The following FASTKD3 variants were observed in gnomAD, a reference collection of about 807,000 sequenced individuals.
FASTKD3 encodes the protein FAST kinase domain-containing protein 3, mitochondrial.
Under a neutral mutation model 49.7 loss-of-function variants are expected in FASTKD3, and 47 were observed. The ratio of observed to expected loss-of-function variants is 0.95; its 90% confidence interval spans 0.75 to 1.21. The LOEUF is 1.21. FASTKD3 is among the 50% of genes most tolerant of loss of function. The pLI is 0.00. For synonymous variants in FASTKD3, 284 were observed against 288.6 expected (o/e 0.98, Z 0.16); for missense variants, 748 against 765.7 (o/e 0.98, Z 0.27).
rs1332096471 is a variant in FASTKD3, at chr5:7,867,985, A to T, written c.99T>A (p.Val33=). ...AALKNKPLNH[V]HKVVKERLCP... is the part of the protein sequence containing the mutation. ...ACAGACGCTCCTTGACTACCTTGTG[A>T]ACATGATTTAGAGGTTTATTTTTTA... Residue 33 remains valine (V), a synonymous_variant, in exon 2 of 7, where the codon GTT becomes GTA. Coordinates refer to ENST00000264669, the MANE Select transcript of FASTKD3 (RefSeq NM_024091.4). 1.2e-6 allele frequency: 2 copies of T among 1,614,166 alleles called. No individual in the cohort carries two copies. The highest frequency in any genetic ancestry group is 2.2e-5 in the East Asian group (1 of 44,884).
Position 7,868,200 on chromosome 5 carries a change from GAAA to G in FASTKD3, c.-113-7_-113-5del, listed in dbSNP as rs34274545. The G allele has an allele frequency of 0.14, 31,246 of 221,390 alleles. 1,289 individuals carry two copies. Among genetic ancestry groups the G allele is most frequent in the Non-Finnish European group, 0.18 (21,884 of 122,560 alleles). The allele number at this position is 221,390 out of a possible 1,614,324, so 13.7% of individuals were successfully genotyped here. On this transcript the variant is annotated splice_polypyrimidine_tract_variant and splice_region_variant and intron_variant, in intron 1 of 6. Coordinates refer to ENST00000264669, the MANE Select transcript of FASTKD3 (RefSeq NM_024091.4). ...TTATGAAACTACAAACGAGTATCTG[GAAA>G]AAAAAAAAAAAAAAAAAAAAGGATG...
intron 3 of FASTKD3, among the ~76,000 whole-genome samples, chr5:7,863,594 T>G (rs1361462008): frequency 6.6e-6 from 1 of 152,184 alleles, no homozygotes; most frequent in Non-Finnish European, 1.5e-5. Context: ...GTCCTGAGCA[T>G]TTTGGATAAG....
At position 7,861,166 on chromosome 5, in the gene FASTKD3, C is replaced by T. The variant is rs139537580; in HGVS notation, c.1867G>A (p.Gly623Ser). The change falls in exon 6 of 7, where the codon GGT (glycine) becomes AGT (serine). Residue 623 changes from glycine to serine, a missense_variant. Physicochemically the swap from Gly to Ser is moderately conservative, Grantham distance 56 (BLOSUM62 0). This residue lies in a region of FASTKD3 where 178 missense variants were observed against 182.2 expected (regional missense o/e 0.98). Transcript: ENST00000264669. ...AACCGTACCTGAACAACTTGATAAC[C>T]GAGTAACTGTAGGTGTCTTTGTTTA... is the stretch of plus-strand genomic sequence containing the variant. ...AIKQRHLQLL[G>S]YQVVQIPYHE... 517 of 1,605,266 alleles carry T rather than the reference C, an allele frequency of 3.2e-4. No individual in the cohort carries two copies. The highest frequency in any genetic ancestry group is 4.1e-4 in the Non-Finnish European group (479 of 1,174,224).
Position 7,867,179 on chromosome 5 carries a change from G to A in FASTKD3, c.905C>T (p.Ala302Val), listed in dbSNP as rs1414015760. Residue 302 changes from alanine to valine, a missense_variant, in exon 2 of 7, where the codon GCC becomes GTC. Transcript: ENST00000264669. ...TTGACTTTGATCAAGAACCACCAGG[G>A]CAGTGAGCATTTGGCTAATCAATTT... ...SPKLISQMLT[A>V]LVVLDQSQAF... 6.2e-7 allele frequency: 1 copy of A among 1,614,136 alleles called. No homozygotes were observed. Among genetic ancestry groups the A allele is most frequent in the Admixed American group, 1.7e-5 (1 of 60,032 alleles).
rs556778358 is a variant in FASTKD3 at position 7,865,630 on chromosome 5, A to G, written c.1524+268T>C. Among the ~76,000 whole-genome samples the G allele has an allele frequency of 1.2e-4, 18 of 152,344 alleles. No individual in the cohort carries two copies. The South Asian group carries it at 3.5e-3, about 30-fold the overall frequency. On this transcript the variant is annotated intron_variant, in intron 3 of 6. Transcript: ENST00000264669. ...AGTACTAAAACCCTGTAAAACCTTCAGAGAGAATGGAGAAATACTGTAACT... is the reference window on the plus strand; with the variant it reads ...AGTACTAAAACCCTGTAAAACCTTCGGAGAGAATGGAGAAATACTGTAACT...
At position 7,867,021 on chromosome 5, in the gene FASTKD3, G is replaced by A; in HGVS notation, c.1063C>T (p.Leu355=). 6.2e-7 allele frequency: 1 copy of A among 1,614,152 alleles called. No homozygotes were observed. Among genetic ancestry groups the A allele is most frequent in the Non-Finnish European group, 8.5e-7 (1 of 1,180,024 alleles). The part of the protein sequence containing the change: ...GHHDTFFTKA[L]EHRVAAVCLT... ...CACACCGCAGCTACACGATGCTCTAGGGCTTTTGTAAAAAATGTGTCATGG... is the reference window on the plus strand; with the variant it reads ...CACACCGCAGCTACACGATGCTCTAAGGCTTTTGTAAAAAATGTGTCATGG... Residue 355 remains leucine (L), a synonymous_variant, in exon 2 of 7, where the codon CTA becomes TTA. Coordinates refer to ENST00000264669, the MANE Select transcript of FASTKD3 (RefSeq NM_024091.4).
chr5:7,861,684 G>A (rs1385294092), intron 4 of FASTKD3, 32 bp from the exon 5 acceptor site: 6 of 1,595,850 alleles, frequency 3.8e-6, no homozygotes, highest in Admixed American at 1.7e-5. Context: ...AATTCCTCGT[G>A]TGATACCCTC....
intron 3 of FASTKD3, among the ~76,000 whole-genome samples, chr5:7,865,320 TCTAAA>T (rs1266248010): frequency 2.0e-5 from 3 of 152,134 alleles, no homozygotes; most frequent in Admixed American, 6.6e-5. Flanking sequence ...AATCAGATAC[TCTAAA>T]CTATGATTCA....
At chr5:7,868,349 T>C (rs1423594609) in intron 1 of FASTKD3, among the ~76,000 whole-genome samples, 153 bp from the exon 2 acceptor site, 1 of 152,188 alleles carries the variant, frequency 6.6e-6, no homozygotes, top group African/African-American at 2.4e-5. Context: ...TCTATTAACT[T>C]ACACAGATTC....
intron 5 of FASTKD3, 101 bp downstream of exon 5, chr5:7,861,482 C>T (rs954984964): frequency 3.5e-6 from 3 of 852,188 alleles, no homozygotes; most frequent in Non-Finnish European, 5.0e-6. Flanking sequence ...TTTTAATTTC[C>T]AGAATCATAT....
In FASTKD3 at chr5:7,867,711, G is replaced by A. The variant is rs1051586462; in HGVS notation, c.373C>T (p.Leu125=). 6 of 1,614,030 alleles carry A rather than the reference G, an allele frequency of 3.7e-6. No individual in the cohort carries two copies. The highest frequency in any genetic ancestry group is 4.2e-6 in the Non-Finnish European group (5 of 1,180,032). Residue 125 remains leucine, a synonymous_variant, in exon 2 of 7, where the codon CTG becomes TTG. Coordinates refer to ENST00000264669, the MANE Select transcript of FASTKD3 (RefSeq NM_024091.4). The part of the protein sequence containing the change: ...VLSFISTMET[L]PDTMAAGALQ... ...GCTCCTGCTGCCATAGTGTCAGGCAGGGTTTCCATCGTGCTTATAAAACTT... is the reference window on the plus strand; with the variant it reads ...GCTCCTGCTGCCATAGTGTCAGGCAAGGTTTCCATCGTGCTTATAAAACTT...
Position 7,866,847 on chromosome 5 carries a change from C to G in FASTKD3, c.1237G>C (p.Glu413Gln), listed in dbSNP as rs865816654. ...AAATAATTGAGTTTCCCAAATGGTTCCATTAAGGCAGAAATCTGACGAGGT... is the reference window on the plus strand; with the variant it reads ...AAATAATTGAGTTTCCCAAATGGTTGCATTAAGGCAGAAATCTGACGAGGT... ...FSPRQISALM[E>Q]PFGKLNYLPP... Residue 413 changes from glutamate to glutamine, a missense_variant, in exon 2 of 7, where the codon GAA becomes CAA. Physicochemically the swap from Glu to Gln is conservative, Grantham distance 29. Transcript: ENST00000264669. 2.5e-6 allele frequency: 4 copies of G among 1,614,006 alleles called. No homozygotes were observed. Among genetic ancestry groups the G allele is most frequent in the African/African-American group, 1.3e-5 (1 of 75,006 alleles).
In FASTKD3 at chr5:7,867,187, C is replaced by A. The variant is rs755486080; in HGVS notation, c.897G>T (p.Met299Ile). 6.2e-7 allele frequency: 1 copy of A among 1,614,138 alleles called. No homozygotes were observed. Among genetic ancestry groups the A allele is most frequent in the Non-Finnish European group, 8.5e-7 (1 of 1,180,046 alleles). The change falls in exon 2 of 7, where the codon ATG (methionine) becomes ATT (isoleucine). Residue 299 changes from methionine to isoleucine, a missense_variant. Transcript: ENST00000264669. ...GATCAAGAACCACCAGGGCAGTGAG[C>A]ATTTGGCTAATCAATTTAGGACTCA... ...SNLSPKLISQ[M>I]LTALVVLDQS...
intron 2 of FASTKD3, 61 bp downstream of exon 2, chr5:7,866,585 G>A: frequency 7.8e-7 from 1 of 1,289,562 alleles, no homozygotes; most frequent in Admixed American, 2.2e-5. Flanking sequence ...TATGTGACTT[G>A]AAACCACTGC....
intron 5 of FASTKD3, 63 bp from the exon 6 acceptor site, chr5:7,861,326 A>T: frequency 1.0e-6 from 1 of 955,810 alleles, no homozygotes; most frequent in Non-Finnish European, 1.5e-6. Context: ...TTTATTATAT[A>T]TTTTAGTTGC....
intron 3 of FASTKD3, among the ~76,000 whole-genome samples, chr5:7,864,821 T>G (rs1243512203): frequency 6.6e-6 from 1 of 151,898 alleles, no homozygotes; most frequent in Non-Finnish European, 1.5e-5. Flanking sequence ...GGAAAAAAAA[T>G]CTGCCAGTAT....
chr5:7,866,590 C>T (rs566633927), intron 2 of FASTKD3, 56 bp downstream of exon 2: 62 of 1,316,880 alleles, frequency 4.7e-5, no homozygotes, highest in Admixed American at 1.3e-4. Flanking sequence ...GACTTGAAAC[C>T]ACTGCCAGTT....
chr5:7,867,654 CCTT>C lies in FASTKD3; in HGVS notation c.427_429del (p.Lys143del), dbSNP rs1328238775. On this transcript the variant is annotated inframe_deletion, in exon 2 of 7. Coordinates refer to ENST00000264669, the MANE Select transcript of FASTKD3 (RefSeq NM_024091.4). ...TCTTTTGGCAGCCCTTGATCACCAT[CCTT>C]TTTTTCCACTTCACAAATTCGTTGT... 6.2e-7 allele frequency: 1 copy of C among 1,614,092 alleles called. No homozygotes were observed. Among genetic ancestry groups the C allele is most frequent in the East Asian group, 2.2e-5 (1 of 44,900 alleles).
Position 7,867,452 on chromosome 5 carries a change from C to G in FASTKD3, c.632G>C (p.Gly211Ala). ...ACAAAGATTGCGAACTTCCATGCCA[C>G]CTTTTCTGAGACGATTTTGGCATTC... is the stretch of plus-strand genomic sequence containing the variant. ...VAECQNRLRK[G>A]GMEVRNLCIL... Residue 211 changes from glycine (G) to alanine (A), a missense_variant, in exon 2 of 7, where the codon GGT (glycine) becomes GCT (alanine). Coordinates refer to ENST00000264669, the MANE Select transcript of FASTKD3 (RefSeq NM_024091.4). The G allele has an allele frequency of 6.2e-7, 1 of 1,614,202 alleles. No homozygotes were observed. The highest frequency in any genetic ancestry group is 8.5e-7 in the Non-Finnish European group (1 of 1,180,046).
Sources: gnomAD v4.1 joint callset for allele counts (sites outside exome capture counted in the v4.1 genomes callset) on GRCh38, gnomAD v4.1.1 for gene constraint, gnomAD v4.1.1 regional missense constraint, MANE v1.5 for transcripts, NCBI Gene and HGNC (gene_info 2026-07-23, HGNC 2026-07-21) for gene names.